UPF2: variants seen among roughly 807,000 people sequenced by gnomAD.
UPF2 encodes regulator of nonsense transcripts 2.
In UPF2, 17 loss-of-function variants were observed where a neutral mutation model predicts 141.4. The observed-to-expected ratio is 0.12, with a 90% CI of 0.08 to 0.18. The LOEUF (loss-of-function observed/expected upper bound fraction) is 0.18, where lower values mean the gene tolerates loss of function less well. Among genes scored for constraint, UPF2 ranks in the 10% least tolerant of loss-of-function variants. The pLI is 1.00. For synonymous variants in UPF2, 540 were observed against 498.0 expected (o/e 1.08, Z -1.12); for missense variants, 1,152 against 1,515.9 (o/e 0.76, Z 3.99).
At chr10:11,954,253 C>G (rs1007334241) in intron 14 of UPF2, among the ~76,000 whole-genome samples, 2 of 151,824 alleles carry the variant, frequency 1.3e-5, no homozygotes, top group Non-Finnish European at 2.9e-5. Flanking sequence ...AAAACACAAC[C>G]CAAGAATTTA....
rs141048683 is a variant in UPF2 at position 11,936,138 on chromosome 10, G to A, written c.3546+407C>T. Among the ~76,000 whole-genome samples, 3,184 of 152,274 alleles carry A rather than the reference G, an allele frequency of 0.021. 99 individuals are homozygous for A. Among genetic ancestry groups the A allele is most frequent in the African/African-American group, 0.069 (2,869 of 41,550 alleles). On this transcript the variant is annotated intron_variant, in intron 19 of 21. Transcript: ENST00000357604. The surrounding 1 kb of genome is among the most constrained non-coding windows in gnomAD (Gnocchi z 6.6). ...TAATCCAAGCACTTTGGGAGGCCGA[G>A]ATGGGCAGATCACCTGAGGTCAGGA...
intron 3 of UPF2, among the ~76,000 whole-genome samples, chr10:12,017,954 A>C (rs1295218757): frequency 6.6e-6 from 1 of 152,108 alleles, no homozygotes; most frequent in Non-Finnish European, 1.5e-5. Context: ...TCTTACACCG[A>C]GCACTTGGTT....
At chr10:11,924,296 T>A (rs1832683632) in intron 21 of UPF2, among the ~76,000 whole-genome samples, 1 of 152,044 alleles carries the variant, frequency 6.6e-6, no homozygotes, top group Admixed American at 6.6e-5. Context: ...AAATAGTTTA[T>A]GCCGGGCGTG....
chr10:12,039,919 C>G (rs1834705825), intron 1 of UPF2, among the ~76,000 whole-genome samples: 1 of 152,146 alleles, frequency 6.6e-6, no homozygotes, highest in Non-Finnish European at 1.5e-5. Context: ...CTGTGGCTGG[C>G]AGCATGTCTC....
At position 12,006,923 on chromosome 10, in the gene UPF2, A is replaced by C. The variant is rs74116816; in HGVS notation, c.1307-2196T>G. Among the ~76,000 whole-genome samples, 1,472 of 152,284 alleles carry C rather than the reference A, an allele frequency of 9.7e-3. 23 individuals are homozygous for C. The highest frequency in any genetic ancestry group is 0.033 in the African/African-American group (1,387 of 41,568). On this transcript the variant is annotated intron_variant, in intron 4 of 21. Coordinates refer to ENST00000357604, the MANE Select transcript of UPF2 (RefSeq NM_015542.4). ...GTCACCAGAAAGACCGAGTGATTAC[A>C]GGCTTAGAACTTTCAGCCCCACTCA... is the stretch of plus-strand genomic sequence containing the variant.
At chr10:11,972,744 G>A (rs968874325) in intron 9 of UPF2, among the ~76,000 whole-genome samples, 2 of 152,168 alleles carry the variant, frequency 1.3e-5, no homozygotes, top group Non-Finnish European at 2.9e-5. Context: ...AGTATTCCAT[G>A]GTGTATAATG....
At position 11,921,751 on chromosome 10, in the gene UPF2, T is replaced by C. The variant is rs931905114; in HGVS notation, c.3810-444A>G. Among the ~76,000 whole-genome samples the C allele has an allele frequency of 3.9e-5, 6 of 152,188 alleles. No individual in the cohort carries two copies. The highest frequency in any genetic ancestry group is 1.4e-4 in the African/African-American group (6 of 41,448). On this transcript the variant is annotated intron_variant, in intron 21 of 21. Coordinates refer to ENST00000357604, the MANE Select transcript of UPF2 (RefSeq NM_015542.4). The surrounding 1 kb of genome is among the most constrained non-coding windows in gnomAD (Gnocchi z 5.9). ...TTTTGAGAGCATTCATGCTCTCTAC[T>C]GAGCTACAACTTAACCAGAGCCATT... is the stretch of plus-strand genomic sequence containing the variant.
At chr10:11,965,617 T>G (rs778619137) in intron 10 of UPF2, among the ~76,000 whole-genome samples, 2 of 151,968 alleles carry the variant, frequency 1.3e-5, no homozygotes, top group Non-Finnish European at 2.9e-5. Context: ...CTGCCACCAC[T>G]CCCGGCTAAT....
intron 21 of UPF2, chr10:11,923,177 T>C (rs746138620): frequency 2.6e-5 from 4 of 152,236 alleles, no homozygotes; most frequent in Non-Finnish European, 4.4e-5. Context: ...AACCAGAGCT[T>C]GTTGTGCTCA....
At chr10:12,009,891 G>A (rs1210665736) in intron 4 of UPF2, among the ~76,000 whole-genome samples, 1 of 152,190 alleles carries the variant, frequency 6.6e-6, no homozygotes, top group Non-Finnish European at 1.5e-5. Flanking sequence ...CCTGAGTACT[G>A]ATCAGCCTCT....
chr10:12,004,407 T>G, intron 5 of UPF2, 123 bp downstream of exon 5: 1 of 714,704 alleles, frequency 1.4e-6, no homozygotes, highest in Non-Finnish European at 2.2e-6. Context: ...TCATTTACTC[T>G]AATGACTCAA....
intron 18 of UPF2, among the ~76,000 whole-genome samples, chr10:11,938,868 T>TTTTTTTTTTTTTTTTTTG (rs1832897282): frequency 2.2e-5 from 2 of 90,854 alleles, no homozygotes; most frequent in African/African-American, 3.7e-5. Context: ...TTTTTTTTTT[T>TTTTTTTTTTTTTTTTTTG]TTTTTTTTTT....
Position 11,956,299 on chromosome 10 carries a change from A to T in UPF2, c.2574+21T>A, listed in dbSNP as rs756223869. The T allele has an allele frequency of 6.2e-7, 1 of 1,609,772 alleles. No homozygotes were observed. Among genetic ancestry groups the T allele is most frequent in the African/African-American group, 1.3e-5 (1 of 74,968 alleles). ...TCTCCACGAATTCCAGTTGTGTGAC[A>T]TTAAAGGAAGTCTTGTTTACCTCCA... On this transcript the variant is annotated intron_variant, in intron 13 of 21. Transcript: ENST00000357604. The surrounding 1 kb of genome is among the most constrained non-coding windows in gnomAD (Gnocchi z 4.2).
intron 8 of UPF2, among the ~76,000 whole-genome samples, chr10:11,986,378 AAC>A (rs912575582): frequency 3.0e-4 from 46 of 152,270 alleles, no homozygotes; most frequent in African/African-American, 1.1e-3. Flanking sequence ...CAAGTCAGTA[AAC>A]AGTCACTAAC....
At position 12,035,195 on chromosome 10, in the gene UPF2, C is replaced by T. The variant is rs1240500085; in HGVS notation, c.229G>A (p.Glu77Lys). Residue 77 changes from glutamate (E) to lysine (K), a missense_variant, in exon 2 of 22, where the codon GAA becomes AAA. Physicochemically the swap from Glu to Lys is moderately conservative, Grantham distance 56. This residue lies in a region of UPF2 where 145 missense variants were observed against 136.5 expected (regional missense o/e 1.06). Transcript: ENST00000357604. ...TCTTCCTCTGCCTTCACCTTTTCTT[C>T]GTCTTTTTTCTTGCGTTCCTTGTCT... ...KEDKERKKKD[E>K]EKVKAEEESK... The T allele has an allele frequency of 5.0e-6, 8 of 1,613,348 alleles. No individual in the cohort carries two copies. The highest frequency in any genetic ancestry group is 1.1e-5 in the South Asian group (1 of 90,892).
chr10:12,007,305 A>T (rs778211530), intron 4 of UPF2, among the ~76,000 whole-genome samples: 4 of 152,198 alleles, frequency 2.6e-5, no homozygotes, highest in Non-Finnish European at 5.9e-5. Flanking sequence ...TCAAGCTGTT[A>T]AGAGTGGTTA....
intron 8 of UPF2, among the ~76,000 whole-genome samples, chr10:11,983,442 G>A (rs550526704): frequency 1.1e-3 from 172 of 152,054 alleles, no homozygotes; most frequent in Admixed American, 2.2e-3. Context: ...GCATGATCTC[G>A]GCTCACTGCA....
intron 9 of UPF2, 92 bp from the exon 10 acceptor site, chr10:11,967,546 GTTTTTTTTT>G (rs755905255): frequency 7.0e-5 from 17 of 243,060 alleles, no homozygotes; most frequent in Middle Eastern, 1.3e-3. Context: ...ATTCACTCCA[GTTTTTTTTT>G]TTTTTTTTTT....
In UPF2 at chr10:11,980,038, A is replaced by G. The variant is rs967401877; in HGVS notation, c.1845-873T>C. ...GAACCCACTCAGATCTTCATTCAGG[A>G]TCTTAATTTGGACAGTAAATGGCAA... On this transcript the variant is annotated intron_variant, in intron 8 of 21. Transcript: ENST00000357604. The surrounding 1 kb of genome is among the most constrained non-coding windows in gnomAD (Gnocchi z 4.2). Among the ~76,000 whole-genome samples the G allele has an allele frequency of 6.6e-6, 1 of 152,216 alleles. No individual in the cohort carries two copies. The highest frequency in any genetic ancestry group is 2.4e-5 in the African/African-American group (1 of 41,458).
Sources: allele counts gnomAD v4.1 joint callset (sites outside exome capture counted in the v4.1 genomes callset), GRCh38; gene constraint gnomAD v4.1.1; regional missense constraint gnomAD v4.1.1; non-coding constraint Gnocchi (gnomAD v3.1); transcripts MANE v1.5; gene names NCBI Gene and HGNC (gene_info 2026-07-23, HGNC 2026-07-21).